GPC6: variants seen among roughly 807,000 people sequenced by gnomAD.
GPC6 encodes glypican-6.
GPC6 carries 14 observed loss-of-function variants against 55.2 expected under a neutral mutation model. That is an observed-to-expected ratio of 0.25 (90% CI 0.17 to 0.40). The LOEUF (loss-of-function observed/expected upper bound fraction) is 0.40, where lower values mean the gene tolerates loss of function less well. Among genes scored for constraint, GPC6 ranks in the 10% least tolerant of loss-of-function variants. GPC6 has a pLI of 1.00. For missense variants in GPC6, 641 were observed against 708.5 expected, an observed-to-expected ratio of 0.90 and a Z score of 1.08; for synonymous variants, 278 against 259.6, an observed-to-expected ratio of 1.07 and a Z score of -0.68.
intron 1 of GPC6, among the ~76,000 whole-genome samples, chr13:93,359,511 T>G (rs1880972715): frequency 1.3e-5 from 2 of 152,286 alleles, no homozygotes; most frequent in South Asian, 4.1e-4. Context: ...TGTATATGTG[T>G]TTATAATAAA....
At chr13:93,846,588 G>A (rs908767385) in intron 3 of GPC6, among the ~76,000 whole-genome samples, 3 of 152,168 alleles carry the variant, frequency 2.0e-5, no homozygotes, top group African/African-American at 7.2e-5. Context: ...CGAGGCAGGT[G>A]GATCACGTGA....
intron 1 of GPC6, among the ~76,000 whole-genome samples, chr13:93,303,499 C>T (rs762789443): frequency 6.6e-6 from 1 of 151,972 alleles, no homozygotes. Flanking sequence ...TTATCAAATG[C>T]GAATAACCCA....
chr13:94,309,930 G>A (rs1018034717), intron 6 of GPC6, among the ~76,000 whole-genome samples: 4 of 152,148 alleles, frequency 2.6e-5, no homozygotes, highest in Non-Finnish European at 5.9e-5. Context: ...GAAGAGACTG[G>A]TTATGTTCCT....
chr13:93,637,998 A>T (rs1050590400), intron 2 of GPC6, among the ~76,000 whole-genome samples: 1 of 152,118 alleles, frequency 6.6e-6, no homozygotes, highest in Admixed American at 6.6e-5. Context: ...AAAAATAATA[A>T]ATTATAAAAA....
chr13:94,358,783 T>C (rs1878921046), intron 6 of GPC6, among the ~76,000 whole-genome samples: 1 of 152,236 alleles, frequency 6.6e-6, no homozygotes, highest in Non-Finnish European at 1.5e-5. Context: ...CTTGTAAAGA[T>C]GACTACAGAG....
At chr13:93,251,435 A>G (rs566910617) in intron 1 of GPC6, among the ~76,000 whole-genome samples, 2 of 152,238 alleles carry the variant, frequency 1.3e-5, no homozygotes, top group Non-Finnish European at 2.9e-5. Context: ...TTTGTAAAAC[A>G]TTATACCCAT....
chr13:93,645,863 G>C (rs1009654533), intron 2 of GPC6, among the ~76,000 whole-genome samples: 9 of 151,972 alleles, frequency 5.9e-5, no homozygotes, highest in Non-Finnish European at 1.3e-4. Context: ...TTATCATCAC[G>C]CTAAAGCACG....
intron 1 of GPC6, among the ~76,000 whole-genome samples, chr13:93,314,988 C>G (rs9524012): frequency 0.47 from 71,199 of 151,638 alleles, 16,849 homozygotes; most frequent in African/African-American, 0.52. Context: ...AGAGAGGGAA[C>G]AGTTTGAAAG....
chr13:93,512,946 A>G (rs562908734), intron 1 of GPC6, among the ~76,000 whole-genome samples: 21 of 152,336 alleles, frequency 1.4e-4, no homozygotes, highest in Admixed American at 1.2e-3. Flanking sequence ...TCAGATTTAA[A>G]AAGGCTACTA....
intron 3 of GPC6, among the ~76,000 whole-genome samples, chr13:93,854,930 C>A (rs1594527048): frequency 6.6e-6 from 1 of 151,430 alleles, no homozygotes; most frequent in Non-Finnish European, 1.5e-5. Flanking sequence ...TCCCACATAA[C>A]CTTTCCCCTC....
At chr13:93,456,974 G>A (rs1878478038) in intron 1 of GPC6, among the ~76,000 whole-genome samples, 1 of 152,140 alleles carries the variant, frequency 6.6e-6, no homozygotes, top group Non-Finnish European at 1.5e-5. Context: ...CTGTTCTCAT[G>A]ATAGTAAGTG....
chr13:93,859,274 G>A (rs1010769661), intron 3 of GPC6, among the ~76,000 whole-genome samples: 2 of 151,454 alleles, frequency 1.3e-5, no homozygotes, highest in African/African-American at 4.8e-5. Flanking sequence ...ATTTTCTTTA[G>A]GGAATTTCTT....
At chr13:93,493,909 C>A (rs7399390) in intron 1 of GPC6, among the ~76,000 whole-genome samples, 73,360 of 95,238 alleles carry the variant, frequency 0.77, 31,865 homozygotes, top group Non-Finnish European at 0.87. Flanking sequence ...AATTTCTGTT[C>A]TTTTACATTT....
intron 6 of GPC6, among the ~76,000 whole-genome samples, chr13:94,316,988 C>G (rs1380273506): frequency 6.6e-6 from 1 of 152,190 alleles, no homozygotes; most frequent in Non-Finnish European, 1.5e-5. Context: ...CATTCTGGAA[C>G]CTGCTGTTGT....
At chr13:94,138,748 G>A (rs981671560) in intron 4 of GPC6, among the ~76,000 whole-genome samples, 5 of 152,014 alleles carry the variant, frequency 3.3e-5, no homozygotes, top group African/African-American at 9.7e-5. Context: ...CTTGCACTAC[G>A]GGTAGCACAG....
intron 3 of GPC6, among the ~76,000 whole-genome samples, chr13:94,015,020 T>G (rs976837072): frequency 6.6e-6 from 1 of 152,222 alleles, no homozygotes; most frequent in African/African-American, 2.4e-5. Context: ...TTTTGGGTGA[T>G]GTATATTTTC....
At chr13:94,159,630 G>C (rs984351181) in intron 4 of GPC6, among the ~76,000 whole-genome samples, 2 of 152,062 alleles carry the variant, frequency 1.3e-5, no homozygotes, top group African/African-American at 4.8e-5. Context: ...GATTTGGGTG[G>C]GGACACAGCC....
intron 2 of GPC6, among the ~76,000 whole-genome samples, chr13:93,807,909 G>T (rs1284070336): frequency 2.0e-5 from 3 of 152,136 alleles, no homozygotes; most frequent in East Asian, 1.9e-4. Context: ...TGACAAAGAG[G>T]TTTCTGGGAC....
At chr13:94,073,913 C>G (rs1405454572) in intron 4 of GPC6, among the ~76,000 whole-genome samples, 7 of 152,182 alleles carry the variant, frequency 4.6e-5, no homozygotes, top group African/African-American at 1.7e-4. Context: ...TGTCCCATCT[C>G]TTTGACACTT....
Sources: allele counts gnomAD v4.1 joint callset (sites outside exome capture counted in the v4.1 genomes callset), GRCh38; gene constraint gnomAD v4.1.1; transcripts MANE v1.5; gene names NCBI Gene and HGNC (gene_info 2026-07-23, HGNC 2026-07-21).